Variants in CRACR2A observed in about 807,000 individuals in gnomAD.
CRACR2A encodes the protein EF-hand calcium-binding domain-containing protein 4B.
CRACR2A carries 79 observed loss-of-function variants against 90.5 expected under a neutral mutation model. That is an observed-to-expected ratio of 0.87 (90% CI 0.73 to 1.05). The LOEUF (loss-of-function observed/expected upper bound fraction) is 1.05, where lower values mean the gene tolerates loss of function less well. CRACR2A is among the 50% of genes least tolerant of loss of function. CRACR2A has a pLI of 0.00. For missense variants in CRACR2A, 823 were observed against 897.2 expected, an observed-to-expected ratio of 0.92 and a Z score of 1.06; for synonymous variants, 338 against 356.7, an observed-to-expected ratio of 0.95 and a Z score of 0.59.
In CRACR2A at chr12:3,689,145, T is replaced by C. The variant is rs1055606126; in HGVS notation, c.228+7627A>G. 4.6e-5 allele frequency among the ~76,000 whole-genome samples: 7 copies of C among 152,306 alleles called. No individual in the cohort carries two copies. The South Asian group carries it at 1.4e-3, about 32-fold the overall frequency. On this transcript the variant is annotated intron_variant, in intron 4 of 19. Coordinates refer to ENST00000440314, the MANE Select transcript of CRACR2A (RefSeq NM_001144958.2). ...GAATCATGTCTTCTGCAAACAGGGA[T>C]AGCTTGACTTCCTCTCTTCCTAAAT...
intron 1 of CRACR2A, among the ~76,000 whole-genome samples, chr12:3,751,673 C>A (rs528860499): frequency 6.6e-6 from 1 of 152,180 alleles, no homozygotes; most frequent in Non-Finnish European, 1.5e-5. Context: ...AGTGCCACAT[C>A]CAGGACGCCC....
At chr12:3,687,741 G>C (rs529071908) in intron 4 of CRACR2A, among the ~76,000 whole-genome samples, 139 of 152,276 alleles carry the variant, frequency 9.1e-4, no homozygotes, top group Non-Finnish European at 1.7e-3. Flanking sequence ...TGGTAGTTCT[G>C]TTTCTAGGTT....
chr12:3,686,079 C>T (rs1438037443), intron 4 of CRACR2A, among the ~76,000 whole-genome samples: 1 of 152,184 alleles, frequency 6.6e-6, no homozygotes, highest in African/African-American at 2.4e-5. Context: ...TAATTCACAG[C>T]TGAGAAACTG....
At chr12:3,722,311 C>T (rs2137816883) in intron 2 of CRACR2A, among the ~76,000 whole-genome samples, 1 of 152,304 alleles carries the variant, frequency 6.6e-6, no homozygotes, top group South Asian at 2.1e-4. Context: ...AGGCACTATG[C>T]TGGGAGCCTT....
chr12:3,656,450 C>G (rs1309709937), intron 8 of CRACR2A, 44 bp from the exon 9 acceptor site: 1 of 1,581,796 alleles, frequency 6.3e-7, no homozygotes, highest in African/African-American at 1.3e-5. Context: ...AAATGTAGCA[C>G]ACCCGGGTTA....
intron 17 of CRACR2A, among the ~76,000 whole-genome samples, chr12:3,623,720 G>T (rs1311178947): frequency 1.3e-5 from 2 of 152,212 alleles, no homozygotes; most frequent in African/African-American, 2.4e-5. Flanking sequence ...AGGAGAATCG[G>T]CACAGAGGGC....
chr12:3,640,636 C>T lies in CRACR2A; in HGVS notation c.1271+1096G>A, dbSNP rs900233148. 5.4e-6 allele frequency: 7 copies of T among 1,305,104 alleles called. No individual in the cohort carries two copies. The African/African-American group carries it at 9.1e-5, about 17-fold the overall frequency. The allele number at this position is 1,305,104 out of a possible 1,614,324, so 80.8% of individuals were successfully genotyped here. ...AGAACAAGAATTCATGATGATCAGGCCCAAAGGTTTTACTGATGAGCTGAT... is the reference window on the plus strand; with the variant it reads ...AGAACAAGAATTCATGATGATCAGGTCCAAAGGTTTTACTGATGAGCTGAT... On this transcript the variant is annotated intron_variant, in intron 13 of 19. Transcript: ENST00000440314.
intron 7 of CRACR2A, among the ~76,000 whole-genome samples, chr12:3,662,074 T>C (rs962886878): frequency 6.6e-6 from 1 of 152,208 alleles, no homozygotes; most frequent in Non-Finnish European, 1.5e-5. Flanking sequence ...GGCAGGAAGA[T>C]AGATACAGGG....
intron 1 of CRACR2A, among the ~76,000 whole-genome samples, chr12:3,734,655 A>G (rs115624209): frequency 0.12 from 8,595 of 74,624 alleles, 340 homozygotes; most frequent in East Asian, 0.27. Context: ...GTGTGTGTGC[A>G]TATACATAAT....
intron 8 of CRACR2A, among the ~76,000 whole-genome samples, chr12:3,656,646 T>A (rs1944915001): frequency 6.6e-6 from 1 of 152,118 alleles, no homozygotes; most frequent in African/African-American, 2.4e-5. Context: ...AGCGTGGCCA[T>A]GTTCAATGAC....
At chr12:3,624,083 A>G (rs767653317) in intron 17 of CRACR2A, among the ~76,000 whole-genome samples, 3 of 152,218 alleles carry the variant, frequency 2.0e-5, no homozygotes, top group Non-Finnish European at 4.4e-5. Context: ...ACTTCCTTTC[A>G]GGGAACTCCA....
intron 2 of CRACR2A, chr12:3,731,832 G>A (rs1353190772): frequency 6.6e-6 from 1 of 152,268 alleles, no homozygotes; most frequent in Non-Finnish European, 1.5e-5. Context: ...ATAAAGGCAG[G>A]GATTGGAGTG....
At chr12:3,709,896 G>A (rs958242077) in intron 3 of CRACR2A, among the ~76,000 whole-genome samples, 5 of 152,224 alleles carry the variant, frequency 3.3e-5, no homozygotes, top group African/African-American at 7.2e-5. Context: ...CCAGCATATC[G>A]AAAATACCTG....
chr12:3,733,973 A>ATTTTTTT (rs1166347439), intron 1 of CRACR2A, among the ~76,000 whole-genome samples: 15,335 of 99,418 alleles, frequency 0.15, 3,451 homozygotes, highest in East Asian at 0.25. Context: ...ATTTTGCCTT[A>ATTTTTTT]TTTTTTTTTT....
At chr12:3,655,494 A>T (rs1565476630) in intron 9 of CRACR2A, among the ~76,000 whole-genome samples, 1 of 152,214 alleles carries the variant, frequency 6.6e-6, no homozygotes, top group Admixed American at 6.5e-5. Context: ...CTCTCTATTG[A>T]AACGGAAGCA....
At chr12:3,743,586 G>C (rs1946563785) in intron 1 of CRACR2A, among the ~76,000 whole-genome samples, 1 of 152,206 alleles carries the variant, frequency 6.6e-6, no homozygotes, top group Admixed American at 6.5e-5. Flanking sequence ...TAGGTGTCTG[G>C]TGTGAACCCA....
chr12:3,726,263 C>T (rs1946263064), intron 2 of CRACR2A: 1 of 151,960 alleles, frequency 6.6e-6, no homozygotes, highest in African/African-American at 2.4e-5. Context: ...TCATCTTGTG[C>T]AGGAGCCATG....
At chr12:3,643,903 T>TATATATATTTATATTATATATATATATA (rs1456809297) in intron 12 of CRACR2A, among the ~76,000 whole-genome samples, 6 of 97,538 alleles carry the variant, frequency 6.2e-5, no homozygotes, top group Non-Finnish European at 1.2e-4. Flanking sequence ...TAATATATAT[T>TATATATATTTATATTATATATATATATA]ATATATATTT....
At chr12:3,696,263 T>C (rs545288286) in intron 4 of CRACR2A, among the ~76,000 whole-genome samples, 2 of 152,300 alleles carry the variant, frequency 1.3e-5, no homozygotes, top group East Asian at 3.9e-4. Context: ...TAGGCAATGG[T>C]GTGCACTGAT....
Sources: allele counts gnomAD v4.1 joint callset (sites outside exome capture counted in the v4.1 genomes callset), GRCh38; gene constraint gnomAD v4.1.1; transcripts MANE v1.5; gene names NCBI Gene and HGNC (gene_info 2026-07-23, HGNC 2026-07-21).